Variants in VPS13B observed in about 807,000 individuals in gnomAD.
VPS13B encodes the protein intermembrane lipid transfer protein VPS13B.
A neutral mutation model predicts 426.4 loss-of-function variants in VPS13B; 285 were observed. That is an observed-to-expected ratio of 0.67 (90% CI 0.61 to 0.74). VPS13B has a LOEUF of 0.74. Among genes scored for constraint, VPS13B ranks in the 30% least tolerant of loss-of-function variants. The probability of loss-of-function intolerance (pLI) is 0.00; values close to 1 mark genes in which losing one functional copy is unlikely to be tolerated. For synonymous variants in VPS13B, 1,676 were observed against 1,676.4 expected (o/e 1.00, Z 0.01); for missense variants, 4,537 against 4,782.6 (o/e 0.95, Z 1.51).
In VPS13B at chr8:99,156,561, T is replaced by C; in HGVS notation, c.2026T>C (p.Phe676Leu). 1 of 1,613,984 alleles carries C rather than the reference T, an allele frequency of 6.2e-7. No homozygotes were observed. The highest frequency in any genetic ancestry group is 1.1e-5 in the South Asian group (1 of 91,072). ...TATTATTTTCTAGAACTCAAGTAACTTCATGAATACTACAAACTTCCAGTC... is the reference window on the plus strand; with the variant it reads ...TATTATTTTCTAGAACTCAAGTAACCTCATGAATACTACAAACTTCCAGTC... ...VIMGEKNSSN[F>L]MNTTNFQSLR... The change falls in exon 15 of 62, where the codon TTC becomes CTC. Residue 676 changes from phenylalanine (F) to leucine (L), a missense_variant. Physicochemically the swap from Phe to Leu is conservative, Grantham distance 22 (BLOSUM62 0). Around this residue, in one of 2 missense-constraint regions of VPS13B, gnomAD observed 4,311 missense variants for 4,474.3 expected, o/e 0.96. Coordinates refer to ENST00000357162, the MANE Select transcript of VPS13B (RefSeq NM_152564.5).
chr8:99,262,936 C>G (rs988292293), intron 17 of VPS13B, among the ~76,000 whole-genome samples: 1 of 151,996 alleles, frequency 6.6e-6, no homozygotes, highest in Non-Finnish European at 1.5e-5. Flanking sequence ...CCATGCCTGG[C>G]TAATTTTTTA....
intron 54 of VPS13B, among the ~76,000 whole-genome samples, chr8:99,838,284 A>C (rs1815501046): frequency 6.6e-6 from 1 of 152,220 alleles, no homozygotes; most frequent in Non-Finnish European, 1.5e-5. Context: ...GGACAAAAAC[A>C]GTCTTTAGGT....
chr8:99,133,395 C>T (rs946929669), intron 8 of VPS13B, among the ~76,000 whole-genome samples: 2 of 152,186 alleles, frequency 1.3e-5, no homozygotes, highest in Admixed American at 6.5e-5. Context: ...GATTGTCTAT[C>T]CAGACCACTC....
chr8:99,408,089 A>G (rs1815429395), intron 21 of VPS13B, among the ~76,000 whole-genome samples: 1 of 152,212 alleles, frequency 6.6e-6, no homozygotes. Flanking sequence ...GTAAAAAAAG[A>G]CAAGAGGAAG....
chr8:99,476,474 G>A (rs1432181425), intron 24 of VPS13B, among the ~76,000 whole-genome samples: 2 of 150,850 alleles, frequency 1.3e-5, no homozygotes, highest in East Asian at 3.9e-4. Flanking sequence ...AGGCAGACAT[G>A]AAGATGAATA....
Position 99,481,781 on chromosome 8 carries a change from T to C in VPS13B, c.3849T>C (p.Ala1283=), listed in dbSNP as rs1820051346. Residue 1283 remains alanine, a synonymous_variant, in exon 25 of 62, where the codon GCT becomes GCC. Transcript: ENST00000357162. ...PPDTSTCSPS[A]DIGTTTEGDS... ...ATACCAGCACATGCAGCCCATCTGC[T>C]GACATTGGGACTACTACTGAGGTAA... 6.2e-7 allele frequency: 1 copy of C among 1,613,876 alleles called. No individual in the cohort carries two copies.
intron 2 of VPS13B, among the ~76,000 whole-genome samples, chr8:99,029,704 G>C (rs971412449): frequency 2.0e-5 from 3 of 151,864 alleles, no homozygotes; most frequent in Admixed American, 2.0e-4. Context: ...CAGGGATTTT[G>C]CAGTGAGCCG....
chr8:99,306,946 C>G (rs752299675), intron 19 of VPS13B, among the ~76,000 whole-genome samples: 2 of 152,104 alleles, frequency 1.3e-5, no homozygotes, highest in Non-Finnish European at 2.9e-5. Context: ...TCAAGCTATG[C>G]TTTGAATGCT....
intron 21 of VPS13B, among the ~76,000 whole-genome samples, chr8:99,424,035 G>A (rs912882492): frequency 6.6e-6 from 1 of 152,092 alleles, no homozygotes; most frequent in African/African-American, 2.4e-5. Context: ...ATTATTGTGT[G>A]GGAGTCTAAG....
intron 39 of VPS13B, among the ~76,000 whole-genome samples, chr8:99,744,012 A>G (rs1809924079): frequency 1.3e-5 from 2 of 152,354 alleles, no homozygotes; most frequent in South Asian, 4.1e-4. Context: ...GCACAACAAA[A>G]GAAACTACCA....
intron 17 of VPS13B, among the ~76,000 whole-genome samples, chr8:99,227,776 C>T (rs1816092691): frequency 6.6e-6 from 1 of 152,034 alleles, no homozygotes; most frequent in Non-Finnish European, 1.5e-5. Flanking sequence ...TACATGATAT[C>T]CACACAAGAA....
rs1824571709 is a variant in VPS13B at position 99,556,460 on chromosome 8, A to C, written c.4756A>C (p.Asn1586His). ...LRKDIYQRALNLGILRDPGSE... is the reference protein window; with the variant it reads ...LRKDIYQRALHLGILRDPGSE... Reference sequence around the variant, plus strand: ...TCGCTGCCTTTACAGGAGAGCCTTGAACTTAGGAATTCTTCGAGATCCTGG... The same window carrying C: ...TCGCTGCCTTTACAGGAGAGCCTTGCACTTAGGAATTCTTCGAGATCCTGG... The change falls in exon 31 of 62, where the codon AAC becomes CAC. Residue 1586 changes from asparagine (N) to histidine (H), a missense_variant. By Grantham distance (68) the Asn-to-His change is moderately conservative (BLOSUM62 1). Around this residue, in one of 2 missense-constraint regions of VPS13B, gnomAD observed 4,311 missense variants for 4,474.3 expected, o/e 0.96. Coordinates refer to ENST00000357162, the MANE Select transcript of VPS13B (RefSeq NM_152564.5). 1 of 1,612,600 alleles carries C rather than the reference A, an allele frequency of 6.2e-7. No homozygotes were observed. Among genetic ancestry groups the C allele is most frequent in the African/African-American group, 1.3e-5 (1 of 74,920 alleles).
chr8:99,060,351 G>A (rs1844115003), intron 3 of VPS13B, among the ~76,000 whole-genome samples: 1 of 152,138 alleles, frequency 6.6e-6, no homozygotes, highest in Admixed American at 6.5e-5. Flanking sequence ...GTTCACCCAT[G>A]TAATTCCAGC....
intron 33 of VPS13B, among the ~76,000 whole-genome samples, chr8:99,601,321 G>T (rs1006633307): frequency 6.6e-6 from 1 of 151,982 alleles, no homozygotes; most frequent in African/African-American, 2.4e-5. Flanking sequence ...CCTGCAAAGG[G>T]CATGAACTCA....
rs535507036 is a variant in VPS13B, at chr8:99,836,874, C to T, written c.9942+1136C>T. On this transcript the variant is annotated intron_variant, in intron 54 of 61. Coordinates refer to ENST00000357162, the MANE Select transcript of VPS13B (RefSeq NM_152564.5). The stretch of plus-strand genomic sequence containing the variant: ...CATACAAGTTAGTGACTATCATCTC[C>T]ACGGAGGGAGAAGTAGAAACTAAGA... Among the ~76,000 whole-genome samples the T allele has an allele frequency of 2.5e-3, 382 of 152,296 alleles. 1 individual carries two copies. The highest frequency in any genetic ancestry group is 4.2e-3 in the Non-Finnish European group (288 of 68,022).
chr8:99,549,592 AC>A (rs1171427222), intron 30 of VPS13B, among the ~76,000 whole-genome samples: 24 of 152,102 alleles, frequency 1.6e-4, no homozygotes, highest in African/African-American at 5.3e-4. Context: ...AATTTATGCA[AC>A]CTATTTGGCA....
At chr8:99,160,650 C>CA (rs780385149) in intron 15 of VPS13B, among the ~76,000 whole-genome samples, 1,882 of 67,000 alleles carry the variant, frequency 0.028, 31 homozygotes, top group Middle Eastern at 0.048. Flanking sequence ...GACCCTGTCT[C>CA]AAAAAAAAAA....
intron 43 of VPS13B, among the ~76,000 whole-genome samples, chr8:99,785,701 T>G (rs1812222975): frequency 6.6e-6 from 1 of 152,184 alleles, no homozygotes; most frequent in Admixed American, 6.5e-5. Context: ...ATGTTTAATT[T>G]TTTTTCCTAT....
intron 24 of VPS13B, among the ~76,000 whole-genome samples, chr8:99,472,401 T>A (rs1015872156): frequency 1.3e-5 from 2 of 151,806 alleles, no homozygotes; most frequent in African/African-American, 4.8e-5. Context: ...TTAATAATAA[T>A]AAAATAGCTA....
Sources: gnomAD v4.1 joint callset for allele counts (sites outside exome capture counted in the v4.1 genomes callset) on GRCh38, gnomAD v4.1.1 for gene constraint, gnomAD v4.1.1 regional missense constraint, MANE v1.5 for transcripts, NCBI Gene and HGNC (gene_info 2026-07-23, HGNC 2026-07-21) for gene names.